Variants in SCAI observed in about 807,000 individuals in gnomAD.
SCAI encodes the protein suppressor of cancer cell invasion, also known as protein SCAI.
Under a neutral mutation model 92.2 loss-of-function variants are expected in SCAI, and 24 were observed. That is an observed-to-expected ratio of 0.26 (90% CI 0.19 to 0.37). The LOEUF (loss-of-function observed/expected upper bound fraction) is 0.37. Among genes scored for constraint, SCAI ranks in the 10% least tolerant of loss-of-function variants. The probability of loss-of-function intolerance (pLI) is 1.00; values close to 1 mark genes in which losing one functional copy is unlikely to be tolerated. For missense variants in SCAI, 450 were observed against 736.2 expected (o/e 0.61, Z 4.50); for synonymous variants, 261 against 258.6 (o/e 1.01, Z -0.09).
intron 3 of SCAI, among the ~76,000 whole-genome samples, chr9:125,034,609 C>T (rs947624725): frequency 1.3e-5 from 2 of 152,014 alleles, no homozygotes; most frequent in African/African-American, 4.8e-5. Context: ...ATTTGCCAGG[C>T]GTAGTGGCAC....
intron 2 of SCAI, among the ~76,000 whole-genome samples, chr9:125,138,249 C>CTTTT (rs10570060): frequency 2.0e-4 from 21 of 104,184 alleles, no homozygotes; most frequent in South Asian, 3.3e-4. Flanking sequence ...ACTATTATTT[C>CTTTT]TTTTTTTTTT....
At chr9:125,083,678 G>A (rs935866116) in intron 2 of SCAI, among the ~76,000 whole-genome samples, 2 of 152,104 alleles carry the variant, frequency 1.3e-5, no homozygotes, top group Non-Finnish European at 2.9e-5. Context: ...TGAAAATGGA[G>A]TAATCACATG....
chr9:125,111,123 T>C (rs1588232409), intron 2 of SCAI, among the ~76,000 whole-genome samples: 1 of 151,954 alleles, frequency 6.6e-6, no homozygotes, highest in East Asian at 1.9e-4. Flanking sequence ...AAAACACATA[T>C]GAGTAAATTG....
At chr9:125,111,079 C>T (rs1390208949) in intron 2 of SCAI, among the ~76,000 whole-genome samples, 1 of 152,036 alleles carries the variant, frequency 6.6e-6, no homozygotes, top group Non-Finnish European at 1.5e-5. Flanking sequence ...TGAAGAAGGG[C>T]AGTGTATGTA....
chr9:125,024,337 G>A (rs1373736518), intron 6 of SCAI, among the ~76,000 whole-genome samples: 4 of 149,950 alleles, frequency 2.7e-5, no homozygotes, highest in African/African-American at 4.9e-5. Context: ...GTGCAGTGGC[G>A]CCATCTTGGC....
chr9:125,121,798 A>C (rs930814922), intron 2 of SCAI, among the ~76,000 whole-genome samples: 3 of 152,126 alleles, frequency 2.0e-5, no homozygotes, highest in African/African-American at 7.2e-5. Flanking sequence ...GGTTGCAATG[A>C]GCCGGGAGAT....
At chr9:125,105,717 A>G (rs1834763443) in intron 2 of SCAI, among the ~76,000 whole-genome samples, 1 of 152,320 alleles carries the variant, frequency 6.6e-6, no homozygotes, top group Admixed American at 6.5e-5. Context: ...AATTGCTTAC[A>G]TTACTATATT....
intron 13 of SCAI, among the ~76,000 whole-genome samples, chr9:124,996,661 G>A (rs1436996521): frequency 4.0e-5 from 6 of 150,990 alleles, no homozygotes; most frequent in Admixed American, 2.0e-4. Context: ...ATGGAGTCTC[G>A]CTCTGTCACA....
intron 2 of SCAI, among the ~76,000 whole-genome samples, chr9:125,073,136 G>A (rs1285414578): frequency 1.0e-5 from 1 of 96,386 alleles, no homozygotes; most frequent in Non-Finnish European, 1.9e-5. Context: ...ACGGAGTCTC[G>A]CTCGGTCGCC....
chr9:125,044,295 A>G (rs1344943620), intron 3 of SCAI, among the ~76,000 whole-genome samples: 1 of 152,020 alleles, frequency 6.6e-6, no homozygotes, highest in Non-Finnish European at 1.5e-5. Flanking sequence ...CCTCCCATGG[A>G]CCAATCAGCA....
chr9:124,960,926 G>A (rs892902211), intron 17 of SCAI, among the ~76,000 whole-genome samples: 1 of 151,994 alleles, frequency 6.6e-6, no homozygotes, highest in Non-Finnish European at 1.5e-5. Context: ...AGGCCACCCT[G>A]GGCAATGCAG....
At chr9:124,959,533 C>T (rs938184245) in intron 17 of SCAI, among the ~76,000 whole-genome samples, 35 of 146,502 alleles carry the variant, frequency 2.4e-4, no homozygotes, top group Non-Finnish European at 4.3e-4. Flanking sequence ...CATATATATA[C>T]ACACATATAT....
intron 13 of SCAI, among the ~76,000 whole-genome samples, chr9:124,996,194 CGT>C (rs1832235791): frequency 1.2e-5 from 1 of 86,800 alleles, no homozygotes; most frequent in Admixed American, 1.9e-4. Context: ...CGTTACCCTT[CGT>C]GTGTGTGGGC....
intron 2 of SCAI, among the ~76,000 whole-genome samples, chr9:125,127,748 C>G (rs567774004): frequency 6.6e-6 from 1 of 152,270 alleles, no homozygotes; most frequent in East Asian, 1.9e-4. Flanking sequence ...TGGCACACGC[C>G]TGTAATCCCA....
intron 3 of SCAI, among the ~76,000 whole-genome samples, chr9:125,037,280 A>G (rs1833216874): frequency 6.6e-6 from 1 of 151,968 alleles, no homozygotes. Context: ...ATTAAAAAAA[A>G]AAAAAAATTA....
intron 2 of SCAI, among the ~76,000 whole-genome samples, chr9:125,078,170 T>C (rs1834134395): frequency 6.6e-6 from 1 of 152,194 alleles, no homozygotes; most frequent in Non-Finnish European, 1.5e-5. Flanking sequence ...ATTGCTTATA[T>C]TTCTATTTTT....
chr9:125,067,669 C>A (rs1310232342), intron 2 of SCAI, among the ~76,000 whole-genome samples: 1 of 152,204 alleles, frequency 6.6e-6, no homozygotes, highest in Admixed American at 6.5e-5. Context: ...AGCCACCCAG[C>A]TTGTCATTTC....
At chr9:124,968,313 T>C in intron 17 of SCAI, 2 of 1,223,892 alleles carry the variant, frequency 1.6e-6, no homozygotes, top group African/African-American at 1.5e-5. Context: ...TTCTCCAGAA[T>C]AGGCCAAGGA....
chr9:125,007,586 G>T (rs916146588), intron 9 of SCAI, among the ~76,000 whole-genome samples: 5 of 151,968 alleles, frequency 3.3e-5, no homozygotes, highest in Non-Finnish European at 7.4e-5. Context: ...GGAGGTCAAG[G>T]CTACAGTGAG....
Sources: gnomAD v4.1 joint callset for allele counts (sites outside exome capture counted in the v4.1 genomes callset) on GRCh38, gnomAD v4.1.1 for gene constraint, MANE v1.5 for transcripts, NCBI Gene and HGNC (gene_info 2026-07-23, HGNC 2026-07-21) for gene names.